The following MAPK8IP3 variants were observed in gnomAD, a reference collection of about 807,000 sequenced individuals.
The protein encoded by MAPK8IP3 is C-Jun-amino-terminal kinase-interacting protein 3.
In MAPK8IP3, 49 loss-of-function variants were observed where a neutral mutation model predicts 157.8. That is an observed-to-expected ratio of 0.31 (90% CI 0.25 to 0.39). The LOEUF (loss-of-function observed/expected upper bound fraction) is 0.39. Ranked by LOEUF, MAPK8IP3 falls within the 10% of genes least tolerant of loss-of-function variation. MAPK8IP3 has a pLI of 1.00. For synonymous variants in MAPK8IP3, 897 were observed against 777.7 expected, an observed-to-expected ratio of 1.15 and a Z score of -2.55; for missense variants, 1,478 against 1,889.4, an observed-to-expected ratio of 0.78 and a Z score of 4.04.
At chr16:1,757,269 T>C (rs1254976633) in intron 8 of MAPK8IP3, among the ~76,000 whole-genome samples, 2 of 152,100 alleles carry the variant, frequency 1.3e-5, no homozygotes, top group Non-Finnish European at 2.9e-5. Flanking sequence ...CAGGTCTGGC[T>C]GATTTTTTGT....
At position 1,767,568 on chromosome 16, in the gene MAPK8IP3, C is replaced by T. The variant is rs748232293; in HGVS notation, c.3242C>T (p.Ser1081Leu). The change falls in exon 27 of 32, where the codon TCA (serine) becomes TTA (leucine). Residue 1081 changes from serine (S) to leucine (L), a missense_variant. Physicochemically the swap from Ser to Leu is moderately radical, Grantham distance 145. Coordinates refer to ENST00000610761, the MANE Select transcript of MAPK8IP3 (RefSeq NM_001318852.2). Reference sequence around the variant, plus strand: ...TGGGCAGCCATGACTCCACAGAAGTCATTTGACGCCCACCCGCGGCGGGAG... The same window carrying T: ...TGGGCAGCCATGACTCCACAGAAGTTATTTGACGCCCACCCGCGGCGGGAG... ...IQPKTMQIEKSFDAHPRRESQ... is the reference protein window; with the variant it reads ...IQPKTMQIEKLFDAHPRRESQ... 7 of 1,611,412 alleles carry T rather than the reference C, an allele frequency of 4.3e-6. No individual in the cohort carries two copies. In the Admixed American group the frequency reaches 1.2e-4, roughly 27 times the overall value.
At position 1,758,216 on chromosome 16, in the gene MAPK8IP3, A is replaced by G. The variant is rs775761201; in HGVS notation, c.1228+57A>G. On this transcript the variant is annotated intron_variant, in intron 9 of 31. Transcript: ENST00000610761. ...TCTGTGTGACGGGGGGAGTGGGTGG[A>G]CGGGGGATGCCCCGAGCTATCCCGT... is the stretch of plus-strand genomic sequence containing the variant. The G allele has an allele frequency of 1.5e-4, 234 of 1,601,390 alleles. 1 individual carries two copies. The highest frequency in any genetic ancestry group is 1.8e-4 in the Non-Finnish European group (208 of 1,170,736).
intron 4 of MAPK8IP3, among the ~76,000 whole-genome samples, chr16:1,738,734 CAT>C (rs2040311725): frequency 7.6e-6 from 1 of 131,298 alleles, no homozygotes; most frequent in Non-Finnish European, 1.6e-5. Flanking sequence ...TGTGACCACC[CAT>C]GTGAGCATCT....
At chr16:1,727,214 G>A (rs947233946) in intron 2 of MAPK8IP3, among the ~76,000 whole-genome samples, 4 of 150,386 alleles carry the variant, frequency 2.7e-5, no homozygotes, top group African/African-American at 7.4e-5. Flanking sequence ...TGCTGTGTGC[G>A]GCGTCTGAGT....
At chr16:1,717,235 CAAAAAAA>C (rs1169533483) in intron 1 of MAPK8IP3, among the ~76,000 whole-genome samples, 4 of 60,406 alleles carry the variant, frequency 6.6e-5, no homozygotes, top group African/African-American at 1.9e-4. Context: ...AACTCCATCT[CAAAAAAA>C]AAAAAAAAAA....
chr16:1,735,267 TGTGACC>T (rs2039597622), intron 4 of MAPK8IP3, among the ~76,000 whole-genome samples: 1 of 151,488 alleles, frequency 6.6e-6, no homozygotes, highest in Admixed American at 6.6e-5. Flanking sequence ...CGTGTGAGCA[TGTGACC>T]GTCTGTGAGT....
Position 1,762,386 on chromosome 16 carries a change from G to T in MAPK8IP3, c.1575G>T (p.Thr525=), listed in dbSNP as rs116332472. The change falls in exon 14 of 32, where the codon ACG becomes ACT. Residue 525 remains threonine (T), a synonymous_variant. Transcript: ENST00000610761. ...KIPMAQRRRF[T]RVEMARVLME... is the part of the protein sequence containing the mutation. ...CCATGGCCCAGCGCCGCCGCTTCAC[G>T]CGGGTGGAGATGGCCCGTGTGCTCA... 1.9e-6 allele frequency: 3 copies of T among 1,592,042 alleles called. No individual in the cohort carries two copies. Among genetic ancestry groups the T allele is most frequent in the Non-Finnish European group, 8.6e-7 (1 of 1,169,582 alleles).
intron 5 of MAPK8IP3, chr16:1,745,151 T>C: frequency 2.0e-6 from 2 of 985,412 alleles, no homozygotes; most frequent in Non-Finnish European, 2.4e-6. Flanking sequence ...GGTGGCCCTG[T>C]AGGGTGACGG....
intron 4 of MAPK8IP3, among the ~76,000 whole-genome samples, chr16:1,739,219 C>A (rs1344741121): frequency 3.0e-5 from 3 of 98,804 alleles, no homozygotes; most frequent in African/African-American, 4.0e-5. Context: ...TCCGTGTGAG[C>A]GTGTGACCGT....
At chr16:1,734,660 A>G (rs2039541809) in intron 4 of MAPK8IP3, among the ~76,000 whole-genome samples, 1 of 152,212 alleles carries the variant, frequency 6.6e-6, no homozygotes, top group Non-Finnish European at 1.5e-5. Context: ...GTTGAGCTGG[A>G]AGGAGCCCGT....
chr16:1,734,118 C>T (rs2039497531), intron 4 of MAPK8IP3, among the ~76,000 whole-genome samples: 1 of 152,250 alleles, frequency 6.6e-6, no homozygotes, highest in South Asian at 2.1e-4. Flanking sequence ...AGGCACCCTG[C>T]AGTGGGGTCT....
rs550785293 is a variant in MAPK8IP3, at chr16:1,735,499, G to A, written c.602+5921G>A. Among the ~76,000 whole-genome samples, 273 of 139,176 alleles carry A rather than the reference G, an allele frequency of 2.0e-3. 5 individuals are homozygous for A. The highest frequency in any genetic ancestry group is 7.4e-3 in the African/African-American group (260 of 35,298). 91.3% of individuals were successfully genotyped at this position (139,176 alleles called of 152,430 possible). On this transcript the variant is annotated intron_variant, in intron 4 of 31. Coordinates refer to ENST00000610761, the MANE Select transcript of MAPK8IP3 (RefSeq NM_001318852.2). ...AGTGTGACCGTCCATGTGAGCGTCC[G>A]TGTGACCATCCGTGTGAGCAGCCGT...
At chr16:1,763,132 C>T in intron 16 of MAPK8IP3, 126 bp downstream of exon 16, 3 of 1,287,178 alleles carry the variant, frequency 2.3e-6, no homozygotes, top group Non-Finnish European at 3.2e-6. Flanking sequence ...GGCCACATGC[C>T]AGGGGCCGTG....
At chr16:1,758,469 G>A (rs2041748391) in intron 9 of MAPK8IP3, among the ~76,000 whole-genome samples, 1 of 152,176 alleles carries the variant, frequency 6.6e-6, no homozygotes. Flanking sequence ...CAGCTCTGGG[G>A]CCTCCCCTGC....
At chr16:1,744,544 C>T in intron 5 of MAPK8IP3, 1 of 985,614 alleles carries the variant, frequency 1.0e-6, no homozygotes, top group Middle Eastern at 5.2e-4. Flanking sequence ...GCTGCGGGCT[C>T]CCCGGGCCTT....
At chr16:1,733,916 C>G (rs2039480362) in intron 4 of MAPK8IP3, among the ~76,000 whole-genome samples, 1 of 152,244 alleles carries the variant, frequency 6.6e-6, no homozygotes, top group African/African-American at 2.4e-5. Context: ...TTCTTCTGGG[C>G]ACACAGGACC....
At chr16:1,744,365 G>C (rs1272780443) in intron 5 of MAPK8IP3, 1 of 985,954 alleles carries the variant, frequency 1.0e-6, no homozygotes, top group South Asian at 4.7e-5. Flanking sequence ...TGCATGCTTT[G>C]CCGACTGTCC....
At chr16:1,745,005 C>T (rs1402749247) in intron 5 of MAPK8IP3, 2 of 985,130 alleles carry the variant, frequency 2.0e-6, no homozygotes, top group East Asian at 1.1e-4. Flanking sequence ...TGTGGCTACT[C>T]ATGGTGAGGA....
At chr16:1,737,132 G>T (rs1201215876) in intron 4 of MAPK8IP3, among the ~76,000 whole-genome samples, 2 of 90,978 alleles carry the variant, frequency 2.2e-5, no homozygotes, top group Admixed American at 1.3e-4. Flanking sequence ...CCGTCCGTGT[G>T]AGCATGTGAC....
Sources: gnomAD v4.1 joint callset for allele counts (sites outside exome capture counted in the v4.1 genomes callset) on GRCh38, gnomAD v4.1.1 for gene constraint, MANE v1.5 for transcripts, NCBI Gene and HGNC (gene_info 2026-07-23, HGNC 2026-07-21) for gene names.